The following SBNO1 variants were observed in gnomAD, a reference collection of about 807,000 sequenced individuals.
SBNO1 encodes the protein protein strawberry notch homolog 1.
A neutral mutation model predicts 173.6 loss-of-function variants in SBNO1; 23 were observed. The ratio of observed to expected loss-of-function variants is 0.13; its 90% CI spans 0.10 to 0.19. The LOEUF is 0.19. Among genes scored for constraint, SBNO1 ranks in the 10% least tolerant of loss-of-function variants. The pLI, the probability that SBNO1 is intolerant of heterozygous loss-of-function variation, is 1.00. For synonymous variants in SBNO1, 632 were observed against 571.5 expected (o/e 1.11, Z -1.51); for missense variants, 1,238 against 1,671.2 (o/e 0.74, Z 4.52).
At chr12:123,339,408 C>A (rs1010373214) in intron 5 of SBNO1, among the ~76,000 whole-genome samples, 3 of 152,052 alleles carry the variant, frequency 2.0e-5, no homozygotes, top group East Asian at 3.9e-4. Flanking sequence ...TTCCCTACCC[C>A]TTTACTCAGT....
intron 19 of SBNO1, among the ~76,000 whole-genome samples, 154 bp downstream of exon 19, chr12:123,320,278 C>T (rs1297736999): frequency 6.6e-6 from 1 of 152,148 alleles, no homozygotes; most frequent in Non-Finnish European, 1.5e-5. Flanking sequence ...ATACTGCAGG[C>T]AGCAGTTCAT....
rs373344158 is a variant in SBNO1, at chr12:123,361,053, G to A, written c.-1+3648C>T. Among the ~76,000 whole-genome samples, 5 of 152,200 alleles carry A rather than the reference G, an allele frequency of 3.3e-5. No individual in the cohort carries two copies. The South Asian group carries it at 1.0e-3, about 32-fold the overall frequency. ...GAGATCAAGAGATTGAAACAATCCT[G>A]GTCAAAATGGTAAAACCTCGTCTCT... On this transcript the variant is annotated intron_variant, in intron 1 of 31. Transcript: ENST00000602398.
chr12:123,304,661 A>T lies in SBNO1; in HGVS notation c.3689T>A (p.Leu1230His). 1 of 1,570,790 alleles carries T rather than the reference A, an allele frequency of 6.4e-7. No individual in the cohort carries two copies. The highest frequency in any genetic ancestry group is 8.8e-7 in the Non-Finnish European group (1 of 1,142,480). Residue 1230 changes from leucine (L) to histidine (H), a missense_variant, in exon 29 of 32, where the codon CTT becomes CAT. Coordinates refer to ENST00000602398, the MANE Select transcript of SBNO1 (RefSeq NM_001167856.3). ...LVKEVNPKKK[L>H]FLVYRPNTGK... ...AGTATTTGGTCGATAAACTAAGAAA[A>T]GTTTCTTTTTAGGATTCACTTCTTT...
At position 123,290,899 on chromosome 12, in the gene SBNO1, G is replaced by A. The variant is rs1055660165; in HGVS notation, c.*5009C>T. 4.0e-5 allele frequency: 6 copies of A among 150,488 alleles called. No homozygotes were observed. The highest frequency in any genetic ancestry group is 1.5e-4 in the African/African-American group (6 of 40,976). The allele number at this position is 150,488 out of a possible 1,614,324, so 9.3% of individuals were successfully genotyped here. A position where few individuals can be genotyped will look rare whatever the true frequency, so the allele number is the denominator to read the frequency against. On this transcript the variant is annotated 3_prime_UTR_variant, in exon 32 of 32. Coordinates refer to ENST00000602398, the MANE Select transcript of SBNO1 (RefSeq NM_001167856.3). The stretch of plus-strand genomic sequence containing the variant: ...ACTACAGGCACCCGCCACCACGCCT[G>A]GCTAAGTTTTTTTTTTTTTTGTATT...
chr12:123,318,049 C>T (rs555337145), intron 20 of SBNO1, among the ~76,000 whole-genome samples: 6 of 152,262 alleles, frequency 3.9e-5, no homozygotes, highest in African/African-American at 1.4e-4. Flanking sequence ...ACAGTTTTCA[C>T]CTCTCAAGCT....
chr12:123,363,063 G>C (rs1323420836), intron 1 of SBNO1, among the ~76,000 whole-genome samples: 3 of 152,116 alleles, frequency 2.0e-5, no homozygotes, highest in African/African-American at 7.2e-5. Context: ...TTCAGCTTGA[G>C]CAACAGAGTG....
chr12:123,344,829 A>AAAATC (rs1264560080), intron 4 of SBNO1, among the ~76,000 whole-genome samples: 1 of 152,188 alleles, frequency 6.6e-6, no homozygotes, highest in African/African-American at 2.4e-5. Flanking sequence ...AGTCTGGGTG[A>AAAATC]CAGACTGAAA....
intron 28 of SBNO1, among the ~76,000 whole-genome samples, chr12:123,305,477 CTTTT>C (rs905744798): frequency 1.3e-5 from 2 of 149,860 alleles, no homozygotes; most frequent in Non-Finnish European, 1.5e-5. Flanking sequence ...GTATTTTTAA[CTTTT>C]TTTTTTGTTT....
At chr12:123,349,586 T>C (rs1873641975) in intron 2 of SBNO1, among the ~76,000 whole-genome samples, 1 of 129,610 alleles carries the variant, frequency 7.7e-6, no homozygotes, top group Non-Finnish European at 1.5e-5. Context: ...TTCATTATTA[T>C]TTTCTGCCTC....
intron 7 of SBNO1, among the ~76,000 whole-genome samples, chr12:123,332,448 C>T (rs534238020): frequency 6.6e-6 from 1 of 152,156 alleles, no homozygotes; most frequent in East Asian, 1.9e-4. Flanking sequence ...TGTGCCACCA[C>T]GCACAGCTAG....
chr12:123,311,879 G>T lies in SBNO1; in HGVS notation c.3221-750C>A, dbSNP rs1029517235. On this transcript the variant is annotated intron_variant, in intron 24 of 31. Transcript: ENST00000602398. ...GCTTCCCGAGCAGCTGGAACTACAG[G>T]CGTGCACCACCGTGCCTGGCTAATT... is the stretch of plus-strand genomic sequence containing the variant. Among the ~76,000 whole-genome samples the T allele has an allele frequency of 2.0e-5, 3 of 151,088 alleles. No individual in the cohort carries two copies. In the Admixed American group the frequency reaches 2.0e-4, roughly 10 times the overall value.
intron 4 of SBNO1, among the ~76,000 whole-genome samples, chr12:123,341,524 A>C (rs1418919592): frequency 3.3e-5 from 5 of 152,034 alleles, no homozygotes; most frequent in Admixed American, 2.6e-4. Context: ...TAACTAATTT[A>C]TTTTTATTTA....
chr12:123,328,124 G>A (rs751855088), intron 10 of SBNO1, 97 bp from the exon 11 acceptor site: 24 of 954,124 alleles, frequency 2.5e-5, no homozygotes, highest in African/African-American at 2.1e-4. Context: ...GAGGCCTTCT[G>A]ATTGCCTATT....
At chr12:123,301,720 C>T (rs1490090285) in intron 30 of SBNO1, among the ~76,000 whole-genome samples, 2 of 151,980 alleles carry the variant, frequency 1.3e-5, no homozygotes, top group Non-Finnish European at 2.9e-5. Context: ...TTAGACATTC[C>T]CTAGATCTGG....
chr12:123,322,657 G>T (rs372174672), intron 16 of SBNO1, among the ~76,000 whole-genome samples: 7 of 151,750 alleles, frequency 4.6e-5, no homozygotes, highest in African/African-American at 1.7e-4. Context: ...TGTAATCCCA[G>T]CACTTTGGGA....
At position 123,320,583 on chromosome 12, in the gene SBNO1, CTGTTACTGTTGG is replaced by C. The variant is rs777006186; in HGVS notation, c.2504_2515del (p.Thr835_Asn838del). 33 of 1,613,630 alleles carry C rather than the reference CTGTTACTGTTGG, an allele frequency of 2.0e-5. No homozygotes were observed. Among genetic ancestry groups the C allele is most frequent in the South Asian group, 3.3e-5 (3 of 90,974 alleles). On this transcript the variant is annotated inframe_deletion, in exon 19 of 32. Transcript: ENST00000602398. ...AGCATCCTGACTTGTTATAAGGCTACTGTTACTGTTGGTGTTACTGTTAGCTAGATAAAGAAC... is the reference window on the plus strand; with the variant it reads ...AGCATCCTGACTTGTTATAAGGCTACTGTTACTGTTAGCTAGATAAAGAAC...
At chr12:123,306,447 AG>A (rs1420115202) in intron 28 of SBNO1, among the ~76,000 whole-genome samples, 7 of 152,222 alleles carry the variant, frequency 4.6e-5, no homozygotes, top group Non-Finnish European at 4.4e-5. Flanking sequence ...GTTGCCACAC[AG>A]AGAATGAAGG....
At position 123,356,298 on chromosome 12, in the gene SBNO1, G is replaced by A. The variant is rs144396928; in HGVS notation, c.1-5857C>T. Among the ~76,000 whole-genome samples, 252 of 152,294 alleles carry A rather than the reference G, an allele frequency of 1.7e-3. 3 individuals carry two copies. Among genetic ancestry groups the A allele is most frequent in the African/African-American group, 5.5e-3 (227 of 41,560 alleles). On this transcript the variant is annotated intron_variant, in intron 1 of 31. Coordinates refer to ENST00000602398, the MANE Select transcript of SBNO1 (RefSeq NM_001167856.3). ...TGGAGTAAATGTTAGCTACTAGCTA[G>A]CTACTATCATTTATATATATGTTAG... is the stretch of plus-strand genomic sequence containing the variant.
chr12:123,305,764 C>T (rs140561089), intron 28 of SBNO1, among the ~76,000 whole-genome samples: 373 of 152,124 alleles, frequency 2.5e-3, no homozygotes, highest in Middle Eastern at 0.014. Context: ...TGAGCCACCA[C>T]GCCTGGCCTA....
Sources: gnomAD v4.1 joint callset for allele counts (sites outside exome capture counted in the v4.1 genomes callset) on GRCh38, gnomAD v4.1.1 for gene constraint, MANE v1.5 for transcripts, NCBI Gene and HGNC (gene_info 2026-07-23, HGNC 2026-07-21) for gene names.